ZNF385D: variants seen among roughly 807,000 people sequenced by gnomAD.
The protein encoded by ZNF385D is zinc finger protein 659.
ZNF385D carries 15 observed loss-of-function variants against 35.8 expected under a neutral mutation model. That is an observed-to-expected ratio of 0.42 (90% CI 0.28 to 0.64). The LOEUF is 0.64. Among genes scored for constraint, ZNF385D ranks in the 30% least tolerant of loss-of-function variants. The probability of loss-of-function intolerance (pLI) is 0.23; values close to 1 mark genes in which losing one functional copy is unlikely to be tolerated. For synonymous variants in ZNF385D, 212 were observed against 186.8 expected (o/e 1.13, Z -1.10); for missense variants, 474 against 494.6 (o/e 0.96, Z 0.39).
chr3:21,460,786 A>G (rs1417274266), intron 4 of ZNF385D, among the ~76,000 whole-genome samples: 1 of 152,190 alleles, frequency 6.6e-6, no homozygotes, highest in African/African-American at 2.4e-5. Flanking sequence ...CATAATGTAG[A>G]ACTTTCTACA....
At chr3:21,732,258 G>A (rs887142915) in intron 1 of ZNF385D, among the ~76,000 whole-genome samples, 1 of 151,724 alleles carries the variant, frequency 6.6e-6, no homozygotes, top group Non-Finnish European at 1.5e-5. Context: ...CACCATGTTG[G>A]CCAGTCTGGT....
intron 2 of ZNF385D, among the ~76,000 whole-genome samples, chr3:22,304,034 TC>T (rs1279966593): frequency 6.6e-6 from 1 of 152,156 alleles, no homozygotes; most frequent in Non-Finnish European, 1.5e-5. Flanking sequence ...CACCTCGGCC[TC>T]CCAGTGTTGG....
intron 1 of ZNF385D, among the ~76,000 whole-genome samples, chr3:21,700,438 T>C (rs1255376386): frequency 6.6e-6 from 1 of 152,226 alleles, no homozygotes; most frequent in East Asian, 1.9e-4. Context: ...TGGACTTATA[T>C]AGATAAGCAT....
At chr3:21,474,169 C>A (rs1285186298) in intron 4 of ZNF385D, among the ~76,000 whole-genome samples, 1 of 151,854 alleles carries the variant, frequency 6.6e-6, no homozygotes, top group African/African-American at 2.4e-5. Flanking sequence ...ACTTTTCAAC[C>A]AGCCCATTTT....
chr3:21,874,893 CTTTAA>C (rs1382515591), intron 3 of ZNF385D, among the ~76,000 whole-genome samples: 1 of 151,870 alleles, frequency 6.6e-6, no homozygotes, highest in African/African-American at 2.4e-5. Flanking sequence ...TTTGTTTGTT[CTTTAA>C]TTTCTTTTAG....
intron 3 of ZNF385D, among the ~76,000 whole-genome samples, chr3:21,981,512 G>C (rs868843354): frequency 2.0e-5 from 3 of 152,066 alleles, no homozygotes; most frequent in African/African-American, 7.2e-5. Flanking sequence ...TCATTCCGTA[G>C]GTTGTTTATC....
At chr3:22,156,318 C>T (rs1705577256) in intron 3 of ZNF385D, among the ~76,000 whole-genome samples, 1 of 151,992 alleles carries the variant, frequency 6.6e-6, no homozygotes. Flanking sequence ...ACAATGAAGT[C>T]CTAAAACTTG....
rs766092920 is a variant in ZNF385D, at chr3:22,115,770, C to A, written c.325+53047G>T. ...AATATGTACAGCTTTAGTCATATGACCTCTGAAGCACTTTGGTGATTTAAT... is the reference window on the plus strand; with the variant it reads ...AATATGTACAGCTTTAGTCATATGAACTCTGAAGCACTTTGGTGATTTAAT... On this transcript the variant is annotated intron_variant, in intron 3 of 5. Transcript: ENST00000494108. Among the ~76,000 whole-genome samples the A allele has an allele frequency of 1.3e-5, 2 of 152,170 alleles. 1 individual carries two copies. The highest frequency in any genetic ancestry group is 4.2e-4 in the South Asian group (2 of 4,818).
chr3:22,120,941 G>A (rs954145833), intron 3 of ZNF385D, among the ~76,000 whole-genome samples: 3 of 152,044 alleles, frequency 2.0e-5, no homozygotes, highest in African/African-American at 7.2e-5. Flanking sequence ...AAACCAAAAT[G>A]AATCACCAAG....
intron 1 of ZNF385D, among the ~76,000 whole-genome samples, chr3:21,740,993 C>CA (rs2069486300): frequency 2.0e-5 from 3 of 152,288 alleles, no homozygotes; most frequent in African/African-American, 7.2e-5. Context: ...TTTAGATCCA[C>CA]TGATGTTCCC....
intron 3 of ZNF385D, among the ~76,000 whole-genome samples, chr3:22,044,221 T>C (rs76362021): frequency 0.016 from 2,370 of 152,138 alleles, 72 homozygotes; most frequent in African/African-American, 0.054. Flanking sequence ...GGGGTGATGG[T>C]TCACTTATTT....
intron 2 of ZNF385D, among the ~76,000 whole-genome samples, chr3:22,351,742 G>A (rs929333128): frequency 2.6e-5 from 4 of 152,056 alleles, no homozygotes; most frequent in Non-Finnish European, 2.9e-5. Context: ...CTTCAACACA[G>A]GCTTCAAGTA....
At chr3:22,317,852 G>A (rs145338216) in intron 2 of ZNF385D, among the ~76,000 whole-genome samples, 1 of 152,204 alleles carries the variant, frequency 6.6e-6, no homozygotes, top group African/African-American at 2.4e-5. Flanking sequence ...CTTGAGGCCA[G>A]GAGTTTGAGA....
At chr3:22,046,018 G>A (rs1202315088) in intron 3 of ZNF385D, among the ~76,000 whole-genome samples, 3 of 152,072 alleles carry the variant, frequency 2.0e-5, no homozygotes, top group African/African-American at 4.8e-5. Context: ...GAACATTACT[G>A]AACAAGCACT....
At chr3:22,344,421 G>A (rs1271729107) in intron 2 of ZNF385D, among the ~76,000 whole-genome samples, 3 of 151,836 alleles carry the variant, frequency 2.0e-5, no homozygotes, top group East Asian at 1.9e-4. Context: ...GGGTCTCCTC[G>A]CTCTGTCACC....
intron 2 of ZNF385D, among the ~76,000 whole-genome samples, chr3:21,645,751 AC>A: frequency 6.6e-6 from 1 of 152,268 alleles, no homozygotes; most frequent in Non-Finnish European, 1.5e-5. Flanking sequence ...TCAAAGAAGG[AC>A]AACTGGACAA....
At position 22,110,571 on chromosome 3, in the gene ZNF385D, A is replaced by T. The variant is rs542593602; in HGVS notation, c.325+58246T>A. ...CCAAACACCGCATGTTCTCACTCAT[A>T]GATGGGAATTGAACAATGAGAACAC... On this transcript the variant is annotated intron_variant, in intron 3 of 5. Transcript: ENST00000494108. Among the ~76,000 whole-genome samples the T allele has an allele frequency of 2.0e-5, 3 of 151,372 alleles. No individual in the cohort carries two copies. The East Asian group carries it at 5.9e-4, about 30-fold the overall frequency.
chr3:22,302,267 C>T (rs554433930), intron 2 of ZNF385D, among the ~76,000 whole-genome samples: 1 of 152,138 alleles, frequency 6.6e-6, no homozygotes, highest in Non-Finnish European at 1.5e-5. Context: ...TCCACATCTT[C>T]ATCAACACTT....
At chr3:22,014,465 C>G (rs1264994973) in intron 3 of ZNF385D, among the ~76,000 whole-genome samples, 1 of 152,050 alleles carries the variant, frequency 6.6e-6, no homozygotes, top group African/African-American at 2.4e-5. Context: ...TCATTTGTAA[C>G]ATGGAATGCT....
Sources: gnomAD v4.1 joint callset for allele counts (sites outside exome capture counted in the v4.1 genomes callset) on GRCh38, gnomAD v4.1.1 for gene constraint, MANE v1.5 for transcripts, NCBI Gene and HGNC (gene_info 2026-07-23, HGNC 2026-07-21) for gene names.